The following NBEAL2 variants were observed in gnomAD, a reference collection of about 807,000 sequenced individuals.
The protein encoded by NBEAL2 is neurobeachin like 2.
A neutral mutation model predicts 299.8 loss-of-function variants in NBEAL2; 160 were observed. That is an observed-to-expected ratio of 0.53 (90% CI 0.47 to 0.61). NBEAL2 has a LOEUF of 0.61. NBEAL2 is among the 20% of genes least tolerant of loss of function. The pLI, the probability that NBEAL2 is intolerant of heterozygous loss-of-function variation, is 0.00. For missense variants in NBEAL2, 3,112 were observed against 3,649.0 expected, an observed-to-expected ratio of 0.85 and a Z score of 3.79; for synonymous variants, 1,493 against 1,542.3, an observed-to-expected ratio of 0.97 and a Z score of 0.75.
chr3:46,998,241 C>T lies in NBEAL2; in HGVS notation c.3118+15C>T. ...CGTGCGCCTCGGTAGGTGTGAGGAC[C>T]TGAGCAAGGGGCCGGCCATAGGGCA... On this transcript the variant is annotated intron_variant, in intron 21 of 53. Transcript: ENST00000450053. 1 of 1,606,220 alleles carries T rather than the reference C, an allele frequency of 6.2e-7. No individual in the cohort carries two copies. The highest frequency in any genetic ancestry group is 8.5e-7 in the Non-Finnish European group (1 of 1,176,608).
At position 46,991,937 on chromosome 3, in the gene NBEAL2, G is replaced by T; in HGVS notation, c.1023G>T (p.Gln341His). The T allele has an allele frequency of 6.3e-7, 1 of 1,597,048 alleles. No individual in the cohort carries two copies. The highest frequency in any genetic ancestry group is 8.5e-7 in the Non-Finnish European group (1 of 1,172,012). Residue 341 changes from glutamine to histidine, a missense_variant, in exon 9 of 54, where the codon CAG (glutamine) becomes CAT (histidine). Coordinates refer to ENST00000450053, the MANE Select transcript of NBEAL2 (RefSeq NM_015175.3). The surrounding 1 kb of genome is among the most constrained non-coding windows in gnomAD (Gnocchi z 6.2). Reference protein sequence around the residue: ...NCFEHLTRLIQNSKLYLQSRA... With the variant: ...NCFEHLTRLIHNSKLYLQSRA... ...TTGAACACCTCACTCGGCTCATTCA[G>T]AACAGCAAGGTGGGTAGGGCCCAGC...
At chr3:46,997,222 T>C in intron 18 of NBEAL2, 37 bp from the exon 19 acceptor site, 2 of 1,610,046 alleles carry the variant, frequency 1.2e-6, no homozygotes, top group Admixed American at 1.7e-5. Context: ...GGAAACTGGC[T>C]GGAAGGTCCC....
rs3816531 is a variant in NBEAL2, at chr3:47,006,072, T to C, written c.6919+9T>C. 51,979 of 1,613,270 alleles carry C rather than the reference T, an allele frequency of 0.032. 2,438 individuals carry two copies. Among genetic ancestry groups the C allele is most frequent in the Admixed American group, 0.19 (11,576 of 60,012 alleles). On this transcript the variant is annotated intron_variant, in intron 43 of 53. Transcript: ENST00000450053. ...TTACTGCACCTATGAGGGTGGGCAGTGCGCTGGACTCCAGTCAGGGCCAGG... is the reference window on the plus strand; with the variant it reads ...TTACTGCACCTATGAGGGTGGGCAGCGCGCTGGACTCCAGTCAGGGCCAGG...
chr3:46,980,446 C>T (rs531577801), intron 1 of NBEAL2, among the ~76,000 whole-genome samples: 5 of 152,116 alleles, frequency 3.3e-5, no homozygotes, highest in Non-Finnish European at 5.9e-5. Context: ...TGCATCCCCC[C>T]ACACCCCAGC....
rs1403803633 is a variant in NBEAL2 at position 47,004,078 on chromosome 3, C to A, written c.5883C>A (p.Gly1961=). ...CGTACCTGCTGTTCCTCCCCATAGG[C>A]ATCGGCTATGATTTCCGGCGCCCAC... The part of the protein sequence containing the change: ...GSTERVETEE[G]IGYDFRRPLA... The change falls in exon 37 of 54, where the codon GGC becomes GGA. Residue 1961 remains glycine (G), a splice_region_variant and synonymous_variant. Coordinates refer to ENST00000450053, the MANE Select transcript of NBEAL2 (RefSeq NM_015175.3). The surrounding 1 kb of genome is among the most constrained non-coding windows in gnomAD (Gnocchi z 5.0). 3 of 1,611,832 alleles carry A rather than the reference C, an allele frequency of 1.9e-6. No homozygotes were observed. The South Asian group carries it at 3.3e-5, about 18-fold the overall frequency.
chr3:46,998,731 G>GC lies in NBEAL2; in HGVS notation c.3241dup (p.Leu1081ProfsTer4). On this transcript the variant is annotated frameshift_variant, in exon 23 of 54. Coordinates refer to ENST00000450053, the MANE Select transcript of NBEAL2 (RefSeq NM_015175.3). LOFTEE classifies it high-confidence loss of function. ...TGACCTGCCAGCCCGCAGCGGGAGC[G>GC]CCCCCTGGCTGCTGACGACCTACGC... 1 of 1,575,950 alleles carries GC rather than the reference G, an allele frequency of 6.3e-7. No individual in the cohort carries two copies. Among genetic ancestry groups the GC allele is most frequent in the Non-Finnish European group, 8.6e-7 (1 of 1,158,552 alleles).
intron 1 of NBEAL2, chr3:46,987,954 C>T (rs1187961077): frequency 7.1e-6 from 9 of 1,261,050 alleles, no homozygotes; most frequent in South Asian, 2.5e-5. Context: ...GCGCTTCCTG[C>T]CCCAGCCCCG....
chr3:46,999,294 C>A lies in NBEAL2; in HGVS notation c.3544-21C>A, dbSNP rs148019558. On this transcript the variant is annotated intron_variant, in intron 24 of 53. Coordinates refer to ENST00000450053, the MANE Select transcript of NBEAL2 (RefSeq NM_015175.3). ...GTAACTCCTTCCACATGATGACAGTCCTCCGATGACCCCCACACAGATCCT... is the reference window on the plus strand; with the variant it reads ...GTAACTCCTTCCACATGATGACAGTACTCCGATGACCCCCACACAGATCCT... The A allele has an allele frequency of 6.9e-6, 11 of 1,586,574 alleles. No homozygotes were observed. In the East Asian group the frequency reaches 2.2e-4, roughly 32 times the overall value.
chr3:46,979,723 C>G lies in NBEAL2; in HGVS notation c.-139C>G, dbSNP rs1269236547. On this transcript the variant is annotated 5_prime_UTR_variant, in exon 1 of 54. Transcript: ENST00000450053. The stretch of plus-strand genomic sequence containing the variant: ...CTCTGCGCCGCGGAGGCCACAGCCG[C>G]AGACTTCCCCAGTAGTACCGCGCCG... 3.2e-6 allele frequency: 1 copy of G among 309,380 alleles called. No homozygotes were observed. Among genetic ancestry groups the G allele is most frequent in the Non-Finnish European group, 5.9e-6 (1 of 168,136 alleles). The allele number at this position is 309,380 out of a possible 1,614,324, so 19.2% of individuals were successfully genotyped here.
At position 47,001,566 on chromosome 3, in the gene NBEAL2, G is replaced by A. The variant is rs2107399507; in HGVS notation, c.4645-123G>A. 4 of 1,560,076 alleles carry A rather than the reference G, an allele frequency of 2.6e-6. No homozygotes were observed. The highest frequency in any genetic ancestry group is 3.5e-6 in the Non-Finnish European group (4 of 1,150,106). The stretch of plus-strand genomic sequence containing the variant: ...GGTGCATCAGCATGAATGCCTGTGA[G>A]TGTGGACTTGCCTGTGTGCACAAAC... On this transcript the variant is annotated intron_variant, in intron 29 of 53. Transcript: ENST00000450053. The surrounding 1 kb of genome is among the most constrained non-coding windows in gnomAD (Gnocchi z 6.1).
intron 1 of NBEAL2, chr3:46,987,932 C>T: frequency 2.5e-6 from 3 of 1,199,280 alleles, no homozygotes; most frequent in Non-Finnish European, 3.2e-6. Context: ...CCCCCTCCCC[C>T]ACCGTGACTC....
At position 47,009,241 on chromosome 3, in the gene NBEAL2, G is replaced by A. The variant is rs545214885; in HGVS notation, c.8186G>A (p.Arg2729Gln). 6.9e-6 allele frequency: 11 copies of A among 1,600,946 alleles called. No individual in the cohort carries two copies. Among genetic ancestry groups the A allele is most frequent in the African/African-American group, 2.7e-5 (2 of 74,784 alleles). ...CAGGTGCGCAGCAGCCAGTTCGCGCGGAAGCTGTGGCGGTCCTCGCGGCGC... is the reference window on the plus strand; with the variant it reads ...CAGGTGCGCAGCAGCCAGTTCGCGCAGAAGCTGTGGCGGTCCTCGCGGCGC... ...PSEVRSSQFA[R>Q]KLWRSSRRIS... The change falls in exon 54 of 54, where the codon CGG becomes CAG. Residue 2729 changes from arginine (R) to glutamine (Q), a missense_variant. Physicochemically the swap from Arg to Gln is conservative, Grantham distance 43. This residue lies in a region of NBEAL2 where 348 missense variants were observed against 381.4 expected (regional missense o/e 0.91). Coordinates refer to ENST00000450053, the MANE Select transcript of NBEAL2 (RefSeq NM_015175.3).
chr3:47,003,286 C>T lies in NBEAL2; in HGVS notation c.5697C>T (p.Asp1899=), dbSNP rs866757830. 10 of 1,612,858 alleles carry T rather than the reference C, an allele frequency of 6.2e-6. No individual in the cohort carries two copies. The highest frequency in any genetic ancestry group is 3.3e-5 in the Admixed American group (2 of 60,008). ...ELLQEDQLGE[D]ELAELETPME... is the part of the protein sequence containing the mutation. ...TGCAGGAGGACCAGCTCGGCGAGGACGAGCTGGCTGAGCTGGAGACCCCGT... is the reference window on the plus strand; with the variant it reads ...TGCAGGAGGACCAGCTCGGCGAGGATGAGCTGGCTGAGCTGGAGACCCCGT... Residue 1899 remains aspartate, a synonymous_variant, in exon 35 of 54, where the codon GAC becomes GAT. Transcript: ENST00000450053. The surrounding 1 kb of genome is among the most constrained non-coding windows in gnomAD (Gnocchi z 7.0).
chr3:46,984,296 C>T (rs557538613), intron 1 of NBEAL2, among the ~76,000 whole-genome samples: 4 of 151,958 alleles, frequency 2.6e-5, no homozygotes, highest in East Asian at 1.9e-4. Flanking sequence ...GGCGACAGAG[C>T]GAGACTCCGT....
intron 41 of NBEAL2, 21 bp from the exon 42 acceptor site, chr3:47,005,717 T>G: frequency 6.2e-7 from 1 of 1,612,914 alleles, no homozygotes; most frequent in Non-Finnish European, 8.5e-7. Flanking sequence ...GGGAGACAGC[T>G]GACCCAGTCC....
In NBEAL2 at chr3:47,005,320, C is replaced by CGGTGCGGCCCAGGGGCT. The variant is rs574930889; in HGVS notation, c.6560+4_6560+20dup. On this transcript the variant is annotated frameshift_variant and splice_region_variant, in exon 40 of 54. Transcript: ENST00000450053. LOFTEE classifies it high-confidence loss of function. ...CCTGCACGTCCAGCTGCAAAGTGGC[C>CGGTGCGGCCCAGGGGCT]GGTGCGGCCCAGGGGCTGGTGGGCA... The CGGTGCGGCCCAGGGGCT allele has an allele frequency of 7.8e-4, 1,262 of 1,610,970 alleles. 16 individuals carry two copies. In the South Asian group the frequency reaches 0.011, roughly 14 times the overall value.
At chr3:46,987,080 T>C (rs1042437058) in intron 1 of NBEAL2, among the ~76,000 whole-genome samples, 50 of 152,258 alleles carry the variant, frequency 3.3e-4, no homozygotes, top group South Asian at 2.1e-4. Flanking sequence ...TGCACTAAAC[T>C]GTACCAGGGA....
chr3:46,997,331 G>T lies in NBEAL2; in HGVS notation c.2722G>T (p.Glu908Ter). 1 of 1,613,072 alleles carries T rather than the reference G, an allele frequency of 6.2e-7. No individual in the cohort carries two copies. Among genetic ancestry groups the T allele is most frequent in the Non-Finnish European group, 8.5e-7 (1 of 1,179,862 alleles). ...LLERVAAQPK[E>*]AEAGPAETHD... Reference sequence around the variant, plus strand: ...GGAGCGAGTAGCTGCACAGCCCAAAGAGGCTGAAGCAGGTCCAGCTGAAAC... The same window carrying T: ...GGAGCGAGTAGCTGCACAGCCCAAATAGGCTGAAGCAGGTCCAGCTGAAAC... The change falls in exon 19 of 54, where the codon GAG becomes TAG. Residue 908 changes from glutamate to a stop codon, truncating the protein, a stop_gained. Coordinates refer to ENST00000450053, the MANE Select transcript of NBEAL2 (RefSeq NM_015175.3). LOFTEE classifies it high-confidence loss of function.
At position 46,998,719 on chromosome 3, in the gene NBEAL2, C is replaced by T. The variant is rs768640297; in HGVS notation, c.3224C>T (p.Pro1075Leu). 5 of 1,574,078 alleles carry T rather than the reference C, an allele frequency of 3.2e-6. No homozygotes were observed. The highest frequency in any genetic ancestry group is 3.6e-5 in the Admixed American group (2 of 55,270). ...ILDALRTHYSPQRERPLAADD... is the reference protein window; with the variant it reads ...ILDALRTHYSLQRERPLAADD... ...GGGTGTGCCTACTGACCTGCCAGCC[C>T]GCAGCGGGAGCGCCCCCTGGCTGCT... The change falls in exon 23 of 54, where the codon CCG becomes CTG. Residue 1075 changes from proline (P) to leucine (L), a missense_variant and splice_region_variant. Pro to Leu is a moderately conservative substitution (Grantham distance 98). Transcript: ENST00000450053.
Sources: allele counts gnomAD v4.1 joint callset (sites outside exome capture counted in the v4.1 genomes callset), GRCh38; gene constraint gnomAD v4.1.1; regional missense constraint gnomAD v4.1.1; non-coding constraint Gnocchi (gnomAD v3.1); transcripts MANE v1.5; gene names NCBI Gene and HGNC (gene_info 2026-07-23, HGNC 2026-07-21).